KCNQ1: variants seen among roughly 807,000 people sequenced by gnomAD.
KCNQ1 encodes the protein potassium voltage-gated channel subfamily KQT member 1.
In KCNQ1, 49 loss-of-function variants were observed where a neutral mutation model predicts 72.4. The observed-to-expected ratio is 0.68, with a 90% CI of 0.54 to 0.86. The LOEUF (loss-of-function observed/expected upper bound fraction) is 0.86, where lower values mean the gene tolerates loss of function less well. Among genes scored for constraint, KCNQ1 ranks in the 40% least tolerant of loss-of-function variants. The probability of loss-of-function intolerance (pLI) is 0.00; values close to 1 mark genes in which losing one functional copy is unlikely to be tolerated. For synonymous variants in KCNQ1, 450 were observed against 412.6 expected (o/e 1.09, Z -1.10); for missense variants, 790 against 945.1 (o/e 0.84, Z 2.15).
chr11:2,704,504 C>T lies in KCNQ1; in HGVS notation c.1514+42423C>T, dbSNP rs1850874720. Among the ~76,000 whole-genome samples, 1 of 152,224 alleles carries T rather than the reference C, an allele frequency of 6.6e-6. No homozygotes were observed. Among genetic ancestry groups the T allele is most frequent in the Non-Finnish European group, 1.5e-5 (1 of 68,048 alleles). On this transcript the variant is annotated intron_variant, in intron 11 of 15. Transcript: ENST00000155840. This position sits in a 1 kb window ranked among gnomAD's most constrained non-coding sequence, Gnocchi z 4.3. The stretch of plus-strand genomic sequence containing the variant: ...TCTGGGTCCTTTTGGGCCTTGTAGG[C>T]TGTCGTCAGAGGGGAGGCACAGTGG...
At chr11:2,789,511 T>C (rs1357695484) in intron 15 of KCNQ1, among the ~76,000 whole-genome samples, 1 of 152,200 alleles carries the variant, frequency 6.6e-6, no homozygotes, top group Non-Finnish European at 1.5e-5. Context: ...CGGCAGTCAT[T>C]GCTCGGGAGG....
In KCNQ1 at chr11:2,647,987, G is replaced by A; in HGVS notation, c.1394-13974G>A. ...CCAGTACTTTGGAAGGCCAAGGCAG[G>A]CCGATCGCTTGAGTCCAGGAGTTTG... On this transcript the variant is annotated intron_variant, in intron 10 of 15. Transcript: ENST00000155840. The surrounding 1 kb of genome is among the most constrained non-coding windows in gnomAD (Gnocchi z 4.0). 2.5e-6 allele frequency: 1 copy of A among 397,604 alleles called. No homozygotes were observed. The highest frequency in any genetic ancestry group is 4.4e-6 in the Non-Finnish European group (1 of 226,006). The allele number at this position is 397,604 out of a possible 1,614,324, so 24.6% of individuals were successfully genotyped here.
intron 11 of KCNQ1, chr11:2,686,876 C>G (rs891608916): frequency 1.0e-5 from 4 of 398,544 alleles, no homozygotes; most frequent in Non-Finnish European, 1.3e-5. Context: ...TTTGTGTCTG[C>G]CCAGTGACCA....
rs1479271146 is a variant in KCNQ1 at position 2,830,045 on chromosome 11, A to T, written c.1795-17722A>T. Among the ~76,000 whole-genome samples, 5 of 142,204 alleles carry T rather than the reference A, an allele frequency of 3.5e-5. No individual in the cohort carries two copies. Among genetic ancestry groups the T allele is most frequent in the Non-Finnish European group, 7.7e-5 (5 of 64,544 alleles). The allele number at this position is 142,204 out of a possible 152,430, so 93.3% of individuals were successfully genotyped here. Reference sequence around the variant, plus strand: ...GAGGAGGAAGGAGGAGGGAGGAGGAAGGAGGAGGGAGGAGGGAGGAAGAGA... The same window carrying T: ...GAGGAGGAAGGAGGAGGGAGGAGGATGGAGGAGGGAGGAGGGAGGAAGAGA... On this transcript the variant is annotated intron_variant, in intron 15 of 15. Coordinates refer to ENST00000155840, the MANE Select transcript of KCNQ1 (RefSeq NM_000218.3). This position sits in a 1 kb window ranked among gnomAD's most constrained non-coding sequence, Gnocchi z 7.7.
In KCNQ1 at chr11:2,599,901, C is replaced by A. The variant is rs1193921871; in HGVS notation, c.1393+11047C>A. On this transcript the variant is annotated intron_variant, in intron 10 of 15. Coordinates refer to ENST00000155840, the MANE Select transcript of KCNQ1 (RefSeq NM_000218.3). The surrounding 1 kb of genome is among the most constrained non-coding windows in gnomAD (Gnocchi z 4.7). The stretch of plus-strand genomic sequence containing the variant: ...AGTCACGTGCCGAGGTATTAAAGAC[C>A]AGGGCTTCAACTGCAAACCTTGTGG... 6.6e-5 allele frequency among the ~76,000 whole-genome samples: 10 copies of A among 152,240 alleles called. No individual in the cohort carries two copies. Among genetic ancestry groups the A allele is most frequent in the Admixed American group, 6.5e-4 (10 of 15,286 alleles).
chr11:2,646,078 G>T, intron 10 of KCNQ1: 1 of 398,642 alleles, frequency 2.5e-6, no homozygotes, highest in East Asian at 3.6e-5. Context: ...TCCCATAGAA[G>T]CAGACTGCCT....
chr11:2,750,091 G>A lies in KCNQ1; in HGVS notation c.1515-18753G>A, dbSNP rs867275976. Among the ~76,000 whole-genome samples, 1 of 152,214 alleles carries A rather than the reference G, an allele frequency of 6.6e-6. No homozygotes were observed. Among genetic ancestry groups the A allele is most frequent in the South Asian group, 2.1e-4 (1 of 4,836 alleles). On this transcript the variant is annotated intron_variant, in intron 11 of 15. Transcript: ENST00000155840. The surrounding 1 kb of genome is among the most constrained non-coding windows in gnomAD (Gnocchi z 6.3). ...GCCAGGAAGCGGAGCCTGGGTGCAG[G>A]GGCATCTTGCTGGTGAAGCTGGGGA...
rs1846386093 is a variant in KCNQ1 at position 2,468,426 on chromosome 11, C to A, written c.386+22942C>A. Among the ~76,000 whole-genome samples, 1 of 152,298 alleles carries A rather than the reference C, an allele frequency of 6.6e-6. No homozygotes were observed. Among genetic ancestry groups the A allele is most frequent in the Admixed American group, 6.5e-5 (1 of 15,292 alleles). On this transcript the variant is annotated intron_variant, in intron 1 of 15. Coordinates refer to ENST00000155840, the MANE Select transcript of KCNQ1 (RefSeq NM_000218.3). This position sits in a 1 kb window ranked among gnomAD's most constrained non-coding sequence, Gnocchi z 5.7. ...CCTCCCAAAGTGCTGGGATTACAGG[C>A]ATGCACTTTTTTTTTCTAAGTAGCT... is the stretch of plus-strand genomic sequence containing the variant.
In KCNQ1 at chr11:2,669,959, T is replaced by C. The variant is rs1850150958; in HGVS notation, c.1514+7878T>C. ...GAGTCAGGTGGAGGGAAGGGAAGTC[T>C]AGAGGTCCCCAAGTCACAACCTCAA... is the stretch of plus-strand genomic sequence containing the variant. On this transcript the variant is annotated intron_variant, in intron 11 of 15. Coordinates refer to ENST00000155840, the MANE Select transcript of KCNQ1 (RefSeq NM_000218.3). The surrounding 1 kb of genome is among the most constrained non-coding windows in gnomAD (Gnocchi z 5.6). 1 of 398,700 alleles carries C rather than the reference T, an allele frequency of 2.5e-6. No individual in the cohort carries two copies. The allele number at this position is 398,700 out of a possible 1,614,324, so 24.7% of individuals were successfully genotyped here. A position where few individuals can be genotyped will look rare whatever the true frequency, so the allele number is the denominator to read the frequency against.
intron 15 of KCNQ1, among the ~76,000 whole-genome samples, chr11:2,779,180 C>T (rs1184011197): frequency 1.3e-5 from 2 of 152,188 alleles, no homozygotes; most frequent in Admixed American, 6.5e-5. Context: ...TGGGAGATAG[C>T]GCCCATCTGG....
rs1846554847 is a variant in KCNQ1 at position 2,769,490 on chromosome 11, T to G, written c.1590+571T>G. Among the ~76,000 whole-genome samples, 1 of 152,138 alleles carries G rather than the reference T, an allele frequency of 6.6e-6. No homozygotes were observed. Among genetic ancestry groups the G allele is most frequent in the African/African-American group, 2.4e-5 (1 of 41,452 alleles). ...CAGGGCTTCCATAAGCTGCCCTAAC[T>G]TCTCCAGGGGCATGTCCCCCCTACA... On this transcript the variant is annotated intron_variant, in intron 12 of 15. Transcript: ENST00000155840. This position sits in a 1 kb window ranked among gnomAD's most constrained non-coding sequence, Gnocchi z 4.6.
chr11:2,578,657 C>A (rs973500595), intron 6 of KCNQ1, among the ~76,000 whole-genome samples: 2 of 152,276 alleles, frequency 1.3e-5, no homozygotes, highest in African/African-American at 4.8e-5. Flanking sequence ...GCTGTGGCCG[C>A]ATGGGATGTC....
intron 11 of KCNQ1, chr11:2,699,508 GCCCCCAGGAGAGT>G (rs1850739344): frequency 2.2e-5 from 4 of 178,118 alleles, no homozygotes; most frequent in African/African-American, 1.3e-4. Context: ...GCGCTGAGGA[GCCCCCAGGAGAGT>G]GCCGCGCTGA....
chr11:2,572,187 G>A (rs1848348032), intron 5 of KCNQ1, 78 bp downstream of exon 5: 1 of 1,076,590 alleles, frequency 9.3e-7, no homozygotes, highest in Non-Finnish European at 1.4e-6. Context: ...CACTAGGACA[G>A]CTTGAGATGC....
chr11:2,833,717 T>C (rs1289739660), intron 15 of KCNQ1, among the ~76,000 whole-genome samples: 1 of 152,192 alleles, frequency 6.6e-6, no homozygotes, highest in Non-Finnish European at 1.5e-5. Context: ...GCTGTGACCG[T>C]GCAGTCCACT....
At position 2,671,414 on chromosome 11, in the gene KCNQ1, T is replaced by G. The variant is rs1850181621; in HGVS notation, c.1514+9333T>G. On this transcript the variant is annotated intron_variant, in intron 11 of 15. Transcript: ENST00000155840. This position sits in a 1 kb window ranked among gnomAD's most constrained non-coding sequence, Gnocchi z 4.7. ...TGCCTCTCCCAGGGTACTCTGGATG[T>G]GCACCCAGAGATTCTCCCACTTTAG... is the stretch of plus-strand genomic sequence containing the variant. The G allele has an allele frequency of 2.5e-6, 1 of 398,502 alleles. No homozygotes were observed. The highest frequency in any genetic ancestry group is 4.4e-5 in the Admixed American group (1 of 22,722). The allele number at this position is 398,502 out of a possible 1,614,324, so 24.7% of individuals were successfully genotyped here. A position where few individuals can be genotyped will look rare whatever the true frequency, so the allele number is the denominator to read the frequency against.
At chr11:2,793,474 A>T (rs1228151095) in intron 15 of KCNQ1, among the ~76,000 whole-genome samples, 1 of 105,640 alleles carries the variant, frequency 9.5e-6, no homozygotes, top group African/African-American at 3.0e-5. Context: ...AAAATAAAAA[A>T]TTAGCCAAGC....
Position 2,784,139 on chromosome 11 carries a change from T to G in KCNQ1, c.1794+6102T>G, listed in dbSNP as rs1001015629. Among the ~76,000 whole-genome samples the G allele has an allele frequency of 9.2e-5, 14 of 151,998 alleles. No individual in the cohort carries two copies. Among genetic ancestry groups the G allele is most frequent in the African/African-American group, 3.1e-4 (13 of 41,458 alleles). On this transcript the variant is annotated intron_variant, in intron 15 of 15. Coordinates refer to ENST00000155840, the MANE Select transcript of KCNQ1 (RefSeq NM_000218.3). The surrounding 1 kb of genome is among the most constrained non-coding windows in gnomAD (Gnocchi z 4.7). Reference sequence around the variant, plus strand: ...TCTAGAAGTTGTATAGAATTAGCTCTTACATTTCGGTCTATATTTACTTTG... The same window carrying G: ...TCTAGAAGTTGTATAGAATTAGCTCGTACATTTCGGTCTATATTTACTTTG...
chr11:2,684,110 T>C (rs981792471), intron 11 of KCNQ1: 1 of 398,486 alleles, frequency 2.5e-6, no homozygotes, highest in Admixed American at 4.4e-5. Context: ...CCCTTTCACA[T>C]AGATTCTTAA....
Sources: allele counts gnomAD v4.1 joint callset (sites outside exome capture counted in the v4.1 genomes callset), GRCh38; gene constraint gnomAD v4.1.1; non-coding constraint Gnocchi (gnomAD v3.1); transcripts MANE v1.5; gene names NCBI Gene and HGNC (gene_info 2026-07-23, HGNC 2026-07-21).